Variants in MAS1 observed in about 807,000 individuals in gnomAD.
MAS1 encodes MAS1 proto-oncogene, G protein-coupled receptor.
For synonymous variants in MAS1, 163 were observed against 164.2 expected (o/e 0.99, Z 0.05); for missense variants, 387 against 409.7 (o/e 0.94, Z 0.48).
At chr6:159,890,603 A>G (rs929179436), upstream of MAS1, among the ~76,000 whole-genome samples, 2 of 152,314 alleles carry the variant, frequency 1.3e-5, no homozygotes, top group South Asian at 2.1e-4. Flanking sequence ...GACTCATCTC[A>G]TCATTACTAG....
intron 1 of MAS1, among the ~76,000 whole-genome samples, chr6:159,895,211 G>A (rs933342309): frequency 1.3e-4 from 20 of 152,198 alleles, no homozygotes; most frequent in Admixed American, 3.9e-4. Context: ...GGGAGGGCTA[G>A]AAATAGTGCC....
rs1350487429 is a variant in MAS1, at chr6:159,907,115, C to T, written c.160C>T (p.Leu54Phe). 2 of 1,614,200 alleles carry T rather than the reference C, an allele frequency of 1.2e-6. No homozygotes were observed. Among genetic ancestry groups the T allele is most frequent in the African/African-American group, 1.3e-5 (1 of 75,048 alleles). ...PVGFVENGIL[L>F]WFLCFRMRRN... ...GGGGTTTGTTGAGAATGGGATTCTC[C>T]TCTGGTTCCTGTGCTTCCGGATGAG... is the stretch of plus-strand genomic sequence containing the variant. The change falls in exon 3 of 3, where the codon CTC (leucine) becomes TTC (phenylalanine). Residue 54 changes from leucine (L) to phenylalanine (F), a missense_variant. Coordinates refer to ENST00000674077, the MANE Select transcript of MAS1 (RefSeq NM_002377.4).
At position 159,911,711 on chromosome 6, in the gene MAS1, A is replaced by G. The variant is rs1169153943; in HGVS notation, c.*3778A>G. ...ATACCTTTTCTTTCCCAGACTTTCC[A>G]CATCTTTCCCTTCCTCACTCTCAGC... On this transcript the variant is annotated 3_prime_UTR_variant, in exon 3 of 3. Coordinates refer to ENST00000674077, the MANE Select transcript of MAS1 (RefSeq NM_002377.4). 1.3e-5 allele frequency: 2 copies of G among 151,770 alleles called. No homozygotes were observed. The highest frequency in any genetic ancestry group is 4.8e-5 in the African/African-American group (2 of 41,244). 9.4% of individuals were successfully genotyped at this position (151,770 alleles called of 1,614,324 possible). A position where few individuals can be genotyped will look rare whatever the true frequency, so the allele number is the denominator to read the frequency against.
At chr6:159,889,729 C>T (rs1191456889), upstream of MAS1, among the ~76,000 whole-genome samples, 1 of 152,220 alleles carries the variant, frequency 6.6e-6, no homozygotes, top group African/African-American at 2.4e-5. Context: ...TTTCCAACTT[C>T]AAGACCGAGT....
At chr6:159,903,908 C>T (rs1163930654) in intron 2 of MAS1, among the ~76,000 whole-genome samples, 3 of 152,196 alleles carry the variant, frequency 2.0e-5, no homozygotes, top group African/African-American at 4.8e-5. Flanking sequence ...TTGCATCAGG[C>T]ATTCATTTTG....
rs1037960886 is a variant in MAS1, at chr6:159,908,965, C to T, written c.*1032C>T. ...GGGTCTCTGCACCTGTCTGCCTCCT[C>T]TCCTCCTGAGGCTTTTTTTTTTTTT... On this transcript the variant is annotated 3_prime_UTR_variant, in exon 3 of 3. Coordinates refer to ENST00000674077, the MANE Select transcript of MAS1 (RefSeq NM_002377.4). 6.6e-6 allele frequency: 1 copy of T among 150,828 alleles called. No homozygotes were observed. Among genetic ancestry groups the T allele is most frequent in the Admixed American group, 6.6e-5 (1 of 15,174 alleles). The allele number at this position is 150,828 out of a possible 1,614,324, so 9.3% of individuals were successfully genotyped here.
At chr6:159,899,109 T>C in intron 1 of MAS1, 77 bp from the exon 2 acceptor site, 1 of 152,156 alleles carries the variant, frequency 6.6e-6, no homozygotes, top group Non-Finnish European at 1.5e-5. Context: ...AAAGCTAGGA[T>C]GGAAGGAAAG....
intron 1 of MAS1, among the ~76,000 whole-genome samples, chr6:159,896,286 C>A (rs1782753259): frequency 1.3e-5 from 2 of 152,244 alleles, no homozygotes; most frequent in Admixed American, 6.5e-5. Context: ...CAGGGTGAGA[C>A]CCTGTCTCAA....
rs571309056 is a variant in MAS1, at chr6:159,907,599, G to A, written c.644G>A (p.Arg215Gln). The change falls in exon 3 of 3, where the codon CGG becomes CAG. Residue 215 changes from arginine to glutamine, a missense_variant. Physicochemically the swap from Arg to Gln is conservative, Grantham distance 43 (BLOSUM62 1). Coordinates refer to ENST00000674077, the MANE Select transcript of MAS1 (RefSeq NM_002377.4). ...VSSTILVVKI[R>Q]KNTWASHSSK... The stretch of plus-strand genomic sequence containing the variant: ...AGCACCATCTTGGTCGTGAAGATCC[G>A]GAAGAACACGTGGGCTTCCCATTCC... The A allele has an allele frequency of 1.7e-5, 27 of 1,613,550 alleles. No homozygotes were observed. Among genetic ancestry groups the A allele is most frequent in the Middle Eastern group, 1.7e-4 (1 of 6,060 alleles).
intron 1 of MAS1, among the ~76,000 whole-genome samples, chr6:159,898,295 G>A (rs965759984): frequency 1.3e-5 from 2 of 152,006 alleles, no homozygotes; most frequent in African/African-American, 4.8e-5. Flanking sequence ...AGTATAGAGA[G>A]GCTGTAAACA....
chr6:159,899,579 C>T (rs922471873), intron 2 of MAS1, among the ~76,000 whole-genome samples, 187 bp downstream of exon 2: 19 of 151,816 alleles, frequency 1.3e-4, no homozygotes, highest in Admixed American at 2.6e-4. Flanking sequence ...TAAACAACAA[C>T]GACAACAAAA....
rs1487488967 is a variant in MAS1 at position 159,915,418 on chromosome 6, T to G, written c.*7485T>G. ...TAGGACTAGTTCACTGAGTATAACG[T>G]TTCTACAGAGCAGTCTGATTGAGGT... On this transcript the variant is annotated 3_prime_UTR_variant, in exon 3 of 3. Coordinates refer to ENST00000674077, the MANE Select transcript of MAS1 (RefSeq NM_002377.4). 6.6e-6 allele frequency: 1 copy of G among 152,200 alleles called. No homozygotes were observed. Among genetic ancestry groups the G allele is most frequent in the Admixed American group, 6.5e-5 (1 of 15,282 alleles). 9.4% of individuals were successfully genotyped at this position (152,200 alleles called of 1,614,324 possible).
At chr6:159,904,999 A>T (rs527979879) in intron 2 of MAS1, among the ~76,000 whole-genome samples, 1 of 152,226 alleles carries the variant, frequency 6.6e-6, no homozygotes, top group African/African-American at 2.4e-5. Flanking sequence ...GACGTTTCCC[A>T]TCACACTATG....
chr6:159,894,344 G>A (rs572319268), intron 1 of MAS1, among the ~76,000 whole-genome samples: 38 of 151,498 alleles, frequency 2.5e-4, no homozygotes, highest in African/African-American at 4.1e-4. Context: ...ACTTGAACCC[G>A]GGAGGCGGAG....
chr6:159,912,921 G>A lies in MAS1; in HGVS notation c.*4988G>A, dbSNP rs1409844379. The A allele has an allele frequency of 1.3e-5, 2 of 152,190 alleles. No homozygotes were observed. The highest frequency in any genetic ancestry group is 4.8e-5 in the African/African-American group (2 of 41,448). 9.4% of individuals were successfully genotyped at this position (152,190 alleles called of 1,614,324 possible). A position where few individuals can be genotyped will look rare whatever the true frequency, so the allele number is the denominator to read the frequency against. On this transcript the variant is annotated 3_prime_UTR_variant, in exon 3 of 3. Transcript: ENST00000674077. ...AGCTGAATCAGAGGTAAATAAACAA[G>A]GATGATGATGAGATGGGAGCTTCCA...
chr6:159,915,911 A>C lies in MAS1; in HGVS notation c.*7978A>C, dbSNP rs111744414. On this transcript the variant is annotated 3_prime_UTR_variant, in exon 3 of 3. Coordinates refer to ENST00000674077, the MANE Select transcript of MAS1 (RefSeq NM_002377.4). ...GCCGACCCCCACCTCCTGCCCCTCA[A>C]TAGGGAGCATCACTCCCCGACGTCA... The C allele has an allele frequency of 6.6e-6, 1 of 152,608 alleles. No individual in the cohort carries two copies. Among genetic ancestry groups the C allele is most frequent in the Non-Finnish European group, 1.5e-5 (1 of 68,366 alleles). The allele number at this position is 152,608 out of a possible 1,614,324, so 9.5% of individuals were successfully genotyped here.
In MAS1 at chr6:159,916,705, TCAA is replaced by T. The variant is rs1048800295; in HGVS notation, c.*8777_*8779del. ...TGAGAGGCAAAGACACGAGGCCAAT[TCAA>T]CAACCCACCTCAAACCTGTATTTGC... is the stretch of plus-strand genomic sequence containing the variant. On this transcript the variant is annotated 3_prime_UTR_variant, in exon 3 of 3. Coordinates refer to ENST00000674077, the MANE Select transcript of MAS1 (RefSeq NM_002377.4). Among the ~76,000 whole-genome samples the T allele has an allele frequency of 1.1e-4, 16 of 152,166 alleles. No individual in the cohort carries two copies. Among genetic ancestry groups the T allele is most frequent in the Non-Finnish European group, 5.9e-5 (4 of 68,030 alleles).
rs764473737 is a variant in MAS1, at chr6:159,914,204, A to G, written c.*6271A>G. 3.3e-5 allele frequency: 5 copies of G among 152,206 alleles called. No homozygotes were observed. The highest frequency in any genetic ancestry group is 5.9e-5 in the Non-Finnish European group (4 of 68,040). 9.4% of individuals were successfully genotyped at this position (152,206 alleles called of 1,614,324 possible). A position where few individuals can be genotyped will look rare whatever the true frequency, so the allele number is the denominator to read the frequency against. On this transcript the variant is annotated 3_prime_UTR_variant, in exon 3 of 3. Coordinates refer to ENST00000674077, the MANE Select transcript of MAS1 (RefSeq NM_002377.4). ...TGTGATTCTCTGAATTCTCTGTCAG[A>G]CATTTCGGAGATCTTCAATTCTTCT...
At chr6:159,899,606 G>A (rs73588506) in intron 2 of MAS1, among the ~76,000 whole-genome samples, 3,657 of 152,204 alleles carry the variant, frequency 0.024, 142 homozygotes, top group African/African-American at 0.083. Flanking sequence ...TGTCATGGTC[G>A]TGAGTGCCTG....
Sources: gnomAD v4.1 joint callset for allele counts (sites outside exome capture counted in the v4.1 genomes callset) on GRCh38, gnomAD v4.1.1 for gene constraint, MANE v1.5 for transcripts, NCBI Gene and HGNC (gene_info 2026-07-23, HGNC 2026-07-21) for gene names.